The following GRM7 variants were observed in gnomAD, a reference collection of about 807,000 sequenced individuals.
The protein encoded by GRM7 is glutamate metabotropic receptor 7.
In GRM7, 35 loss-of-function variants were observed where a neutral mutation model predicts 84.5. The ratio of observed to expected loss-of-function variants is 0.41; its 90% CI spans 0.32 to 0.55. The LOEUF (loss-of-function observed/expected upper bound fraction) is 0.55, where lower values mean the gene tolerates loss of function less well. Ranked by LOEUF, GRM7 falls within the 20% of genes least tolerant of loss-of-function variation. The pLI, the probability that GRM7 is intolerant of heterozygous loss-of-function variation, is 0.19. For synonymous variants in GRM7, 487 were observed against 455.1 expected, an observed-to-expected ratio of 1.07 and a Z score of -0.89; for missense variants, 1,003 against 1,194.6, an observed-to-expected ratio of 0.84 and a Z score of 2.36.
At chr3:6,887,541 C>A (rs1057327478) in intron 1 of GRM7, among the ~76,000 whole-genome samples, 4 of 152,128 alleles carry the variant, frequency 2.6e-5, no homozygotes, top group Non-Finnish European at 1.5e-5. Context: ...TCATCCATGT[C>A]CCTACAAAGG....
chr3:6,941,301 G>A (rs764414705), intron 1 of GRM7, among the ~76,000 whole-genome samples: 3 of 152,068 alleles, frequency 2.0e-5, no homozygotes, highest in African/African-American at 2.4e-5. Context: ...AATGGCAAAC[G>A]TCTCTATTTT....
intron 1 of GRM7, among the ~76,000 whole-genome samples, chr3:6,932,670 AT>A (rs1162743973): frequency 6.6e-6 from 1 of 151,272 alleles, no homozygotes; most frequent in African/African-American, 2.4e-5. Context: ...GAGGTCACAT[AT>A]AACTTTCCAG....
intron 4 of GRM7, among the ~76,000 whole-genome samples, chr3:7,380,129 G>C (rs9866797): frequency 0.41 from 61,569 of 151,834 alleles, 13,108 homozygotes; most frequent in African/African-American, 0.44. Context: ...TCCATATTTA[G>C]TTGCTAGAAA....
At chr3:7,042,225 G>C (rs1696649920) in intron 1 of GRM7, among the ~76,000 whole-genome samples, 1 of 151,980 alleles carries the variant, frequency 6.6e-6, no homozygotes, top group African/African-American at 2.4e-5. Flanking sequence ...CAGTCAATCA[G>C]AAACACAGGT....
At chr3:7,094,602 T>G (rs1014930434) in intron 1 of GRM7, among the ~76,000 whole-genome samples, 69 of 152,176 alleles carry the variant, frequency 4.5e-4, no homozygotes, top group African/African-American at 1.6e-3. Context: ...TGCCTAAAAT[T>G]CACTTATCAC....
At chr3:7,476,678 T>C (rs534760569) in intron 7 of GRM7, among the ~76,000 whole-genome samples, 5 of 152,362 alleles carry the variant, frequency 3.3e-5, no homozygotes, top group South Asian at 2.1e-4. Flanking sequence ...CACTCTTCTA[T>C]GTCAAAACTT....
intron 8 of GRM7, among the ~76,000 whole-genome samples, chr3:7,658,842 T>C (rs1699312587): frequency 6.6e-6 from 1 of 152,260 alleles, no homozygotes. Context: ...CTTGTTTATA[T>C]GCTTTTCAGC....
At position 7,127,878 on chromosome 3, in the gene GRM7, C is replaced by CT. The variant is rs141493174; in HGVS notation, c.520-18569dup. 7.6e-3 allele frequency among the ~76,000 whole-genome samples: 1,159 copies of CT among 152,078 alleles called. 15 individuals are homozygous for CT. Among genetic ancestry groups the CT allele is most frequent in the African/African-American group, 0.026 (1,071 of 41,508 alleles). On this transcript the variant is annotated intron_variant, in intron 1 of 9. Transcript: ENST00000357716. ...TTATCTGTGAGATGTGAAGTCAAAG[C>CT]TTTTTAATATGCTTAATGACTTGCT... is the stretch of plus-strand genomic sequence containing the variant.
chr3:7,482,117 G>C (rs1221539271), intron 7 of GRM7, among the ~76,000 whole-genome samples: 1 of 152,190 alleles, frequency 6.6e-6, no homozygotes, highest in Admixed American at 6.5e-5. Context: ...GAACCCAGGA[G>C]GCGGAGGTTG....
rs569994250 is a variant in GRM7 at position 7,258,692 on chromosome 3, G to C, written c.737-39992G>C. Among the ~76,000 whole-genome samples the C allele has an allele frequency of 7.9e-5, 12 of 152,340 alleles. No homozygotes were observed. The South Asian group carries it at 2.5e-3, about 32-fold the overall frequency. ...GCTGGGTTTGGACCATGGGCCAGAAGTTTATGCCTTTGGTTTAAATAGTAG... is the reference window on the plus strand; with the variant it reads ...GCTGGGTTTGGACCATGGGCCAGAACTTTATGCCTTTGGTTTAAATAGTAG... On this transcript the variant is annotated intron_variant, in intron 2 of 9. Transcript: ENST00000357716.
intron 4 of GRM7, among the ~76,000 whole-genome samples, chr3:7,316,605 A>G (rs1700591036): frequency 6.6e-6 from 1 of 152,186 alleles, no homozygotes; most frequent in Admixed American, 6.5e-5. Flanking sequence ...TTACTTGCAT[A>G]ACTAGAGAGA....
intron 2 of GRM7, among the ~76,000 whole-genome samples, chr3:7,276,667 C>G (rs1204933834): frequency 1.3e-5 from 2 of 151,896 alleles, no homozygotes; most frequent in Non-Finnish European, 2.9e-5. Flanking sequence ...AGAATGATGT[C>G]AGATGATTAC....
At chr3:7,391,035 A>G in intron 4 of GRM7, among the ~76,000 whole-genome samples, 1 of 144,796 alleles carries the variant, frequency 6.9e-6, no homozygotes, top group East Asian at 2.1e-4. Context: ...TGGCTTCTTG[A>G]TTTTTTTTTC....
rs1051805636 is a variant in GRM7, at chr3:7,384,854, C to G, written c.1034-30169C>G. ...GCTTTGCCTGATCAAAAAAACTGGC[C>G]ACACTTCCCCTCTCTCTTTCCTCCA... On this transcript the variant is annotated intron_variant, in intron 4 of 9. Transcript: ENST00000357716. Among the ~76,000 whole-genome samples, 7 of 152,256 alleles carry G rather than the reference C, an allele frequency of 4.6e-5. No individual in the cohort carries two copies. The East Asian group carries it at 1.4e-3, about 29-fold the overall frequency.
intron 4 of GRM7, among the ~76,000 whole-genome samples, chr3:7,312,457 G>C (rs1410323696): frequency 1.3e-5 from 2 of 152,072 alleles, no homozygotes; most frequent in Non-Finnish European, 2.9e-5. Context: ...GAGCCATGTG[G>C]GAAAGTGTCC....
At chr3:7,225,344 T>C (rs1003095090) in intron 2 of GRM7, among the ~76,000 whole-genome samples, 1 of 149,314 alleles carries the variant, frequency 6.7e-6, no homozygotes, top group African/African-American at 2.4e-5. Context: ...TAACTTATTA[T>C]ATATACAATT....
At chr3:7,316,598 C>A (rs1700590287) in intron 4 of GRM7, among the ~76,000 whole-genome samples, 1 of 152,072 alleles carries the variant, frequency 6.6e-6, no homozygotes, top group Non-Finnish European at 1.5e-5. Flanking sequence ...AGGTTTTTTA[C>A]TTGCATAACT....
intron 2 of GRM7, among the ~76,000 whole-genome samples, chr3:7,278,901 G>T (rs772483086): frequency 3.9e-5 from 6 of 152,110 alleles, no homozygotes; most frequent in African/African-American, 7.2e-5. Context: ...CTTTTTGGTA[G>T]GTTGGAGATT....
intron 1 of GRM7, among the ~76,000 whole-genome samples, chr3:6,961,076 C>T (rs901190104): frequency 6.6e-6 from 1 of 152,182 alleles, no homozygotes; most frequent in African/African-American, 2.4e-5. Flanking sequence ...ATCCCAGTCT[C>T]TCTCACTTCC....
Sources: allele counts gnomAD v4.1 joint callset (sites outside exome capture counted in the v4.1 genomes callset), GRCh38; gene constraint gnomAD v4.1.1; transcripts MANE v1.5; gene names NCBI Gene and HGNC (gene_info 2026-07-23, HGNC 2026-07-21).